Variants in RAB30 observed in about 807,000 individuals in gnomAD.
RAB30 encodes ras-related protein Rab-30.
RAB30 carries 9 observed loss-of-function variants against 25.1 expected under a neutral mutation model. That is an observed-to-expected ratio of 0.36 (90% CI 0.22 to 0.63). The LOEUF (loss-of-function observed/expected upper bound fraction) is 0.63. Among genes scored for constraint, RAB30 ranks in the 20% least tolerant of loss-of-function variants. The pLI is 0.69. For missense variants in RAB30, 140 were observed against 243.5 expected (o/e 0.58, Z 2.83); for synonymous variants, 77 against 86.4 (o/e 0.89, Z 0.60).
chr11:83,067,853 C>T (rs1274069951), intron 1 of RAB30, among the ~76,000 whole-genome samples: 3 of 151,986 alleles, frequency 2.0e-5, no homozygotes, highest in South Asian at 4.2e-4. Flanking sequence ...TTGCCAGGTG[C>T]GGTGGCTCAC....
intron 1 of RAB30, among the ~76,000 whole-genome samples, chr11:83,018,271 G>A (rs867909015): frequency 2.1e-4 from 31 of 145,528 alleles, no homozygotes; most frequent in Non-Finnish European, 3.1e-4. Context: ...TGCACTCTAG[G>A]CTGGCTGCAG....
chr11:83,001,493 A>C (rs1857085360), intron 1 of RAB30, among the ~76,000 whole-genome samples: 1 of 152,156 alleles, frequency 6.6e-6, no homozygotes, highest in South Asian at 2.1e-4. Context: ...CATGTTTTTT[A>C]AATGGACCTC....
At chr11:83,018,897 C>T (rs543975633) in intron 1 of RAB30, among the ~76,000 whole-genome samples, 6 of 152,292 alleles carry the variant, frequency 3.9e-5, no homozygotes, top group Admixed American at 2.6e-4. Context: ...TTCTACATGT[C>T]GCTGGCCAAT....
In RAB30 at chr11:83,062,323, T is replaced by C. The variant is rs1858602902; in HGVS notation, c.-9+9368A>G. ...TAAGACAGCATCCACAATACAACTT[T>C]GTAGAGCATCTTTTATTGAAGACTC... On this transcript the variant is annotated intron_variant, in intron 1 of 4. Coordinates refer to ENST00000527633, the MANE Select transcript of RAB30 (RefSeq NM_001286060.2). Among the ~76,000 whole-genome samples, 5 of 152,350 alleles carry C rather than the reference T, an allele frequency of 3.3e-5. No homozygotes were observed. The South Asian group carries it at 1.0e-3, about 32-fold the overall frequency.
In RAB30 at chr11:82,982,077, G is replaced by A. The variant is rs772993590; in HGVS notation, c.*88C>T. On this transcript the variant is annotated 3_prime_UTR_variant, in exon 5 of 5. Coordinates refer to ENST00000527633, the MANE Select transcript of RAB30 (RefSeq NM_001286060.2). ...CACAGGAGTCAGAAGGTCAGAGAGC[G>A]GGAGCCACAGTCATCGCCAGATCTC... is the stretch of plus-strand genomic sequence containing the variant. The A allele has an allele frequency of 6.4e-5, 99 of 1,554,410 alleles. No homozygotes were observed. Among genetic ancestry groups the A allele is most frequent in the Non-Finnish European group, 8.0e-5 (91 of 1,140,612 alleles).
intron 3 of RAB30, among the ~76,000 whole-genome samples, chr11:82,989,903 G>C (rs1054533734): frequency 2.0e-5 from 3 of 152,238 alleles, no homozygotes; most frequent in Admixed American, 1.3e-4. Flanking sequence ...AAGGTACTGT[G>C]CTAGGCACAT....
chr11:82,994,201 C>G, intron 2 of RAB30, 79 bp from the exon 3 acceptor site: 1 of 1,232,974 alleles, frequency 8.1e-7, no homozygotes, highest in East Asian at 2.3e-5. Context: ...CCCAGCAACA[C>G]CCATCACCGG....
intron 4 of RAB30, among the ~76,000 whole-genome samples, chr11:82,983,494 G>A (rs1035109625): frequency 1.1e-4 from 16 of 152,158 alleles, no homozygotes; most frequent in Middle Eastern, 3.4e-3. Flanking sequence ...GCAGTGGCGC[G>A]ATCCTGACTT....
intron 1 of RAB30, among the ~76,000 whole-genome samples, chr11:83,069,054 T>A (rs1231913000): frequency 1.3e-5 from 2 of 152,232 alleles, no homozygotes; most frequent in South Asian, 4.1e-4. Context: ...GGCCAGATTA[T>A]AGAGGGCTAT....
At chr11:83,044,504 C>T (rs1223927037) in intron 1 of RAB30, among the ~76,000 whole-genome samples, 1 of 152,052 alleles carries the variant, frequency 6.6e-6, no homozygotes, top group East Asian at 1.9e-4. Context: ...AAACAGTAAT[C>T]CAGGTAGGAA....
intron 1 of RAB30, among the ~76,000 whole-genome samples, chr11:83,029,313 C>G (rs1214732611): frequency 6.6e-6 from 1 of 151,972 alleles, no homozygotes; most frequent in Non-Finnish European, 1.5e-5. Flanking sequence ...CACCCATTAC[C>G]AAAGTTCAAC....
intron 3 of RAB30, among the ~76,000 whole-genome samples, chr11:82,993,005 G>C (rs560185462): frequency 2.6e-5 from 4 of 152,348 alleles, no homozygotes; most frequent in South Asian, 2.1e-4. Flanking sequence ...CACTGTACCA[G>C]GCCTTGGCTA....
chr11:83,028,725 A>C lies in RAB30; in HGVS notation c.-8-31401T>G, dbSNP rs1277549340. ...CCAATAAAGCACGAGAATAGAAGAA[A>C]GATACTTTAAAGTATACAAGACCCA... On this transcript the variant is annotated intron_variant, in intron 1 of 4. Transcript: ENST00000527633. Among the ~76,000 whole-genome samples, 7 of 152,360 alleles carry C rather than the reference A, an allele frequency of 4.6e-5. No homozygotes were observed. In the East Asian group the frequency reaches 1.3e-3, roughly 29 times the overall value.
At chr11:83,017,833 T>C (rs991994784) in intron 1 of RAB30, among the ~76,000 whole-genome samples, 2 of 152,242 alleles carry the variant, frequency 1.3e-5, no homozygotes, top group East Asian at 1.9e-4. Context: ...TGTGCTGCTA[T>C]AAACATGTGT....
intron 2 of RAB30, among the ~76,000 whole-genome samples, chr11:82,996,265 G>A (rs1285406891): frequency 6.6e-6 from 1 of 152,148 alleles, no homozygotes; most frequent in East Asian, 1.9e-4. Flanking sequence ...AGCTGGAAGG[G>A]GCCTTGGAGC....
intron 1 of RAB30, among the ~76,000 whole-genome samples, chr11:83,042,915 G>A (rs974129601): frequency 3.9e-5 from 6 of 152,174 alleles, no homozygotes; most frequent in African/African-American, 1.4e-4. Context: ...TACATTTAAT[G>A]TGTAATCTTG....
rs1856518317 is a variant in RAB30 at position 82,974,962 on chromosome 11, T to G, written c.*7203A>C. On this transcript the variant is annotated 3_prime_UTR_variant, in exon 5 of 5. Coordinates refer to ENST00000527633, the MANE Select transcript of RAB30 (RefSeq NM_001286060.2). ...TGTTTTTTCTTTTTTTTTTTTTTTTTGCTGAAAACAGAAATTTTGCTCACG... is the reference window on the plus strand; with the variant it reads ...TGTTTTTTCTTTTTTTTTTTTTTTTGGCTGAAAACAGAAATTTTGCTCACG... 1.3e-5 allele frequency: 2 copies of G among 149,802 alleles called. No individual in the cohort carries two copies. The highest frequency in any genetic ancestry group is 4.2e-4 in the South Asian group (2 of 4,798). 9.3% of individuals were successfully genotyped at this position (149,802 alleles called of 1,614,324 possible). A position where few individuals can be genotyped will look rare whatever the true frequency, so the allele number is the denominator to read the frequency against.
At chr11:83,010,527 C>A (rs1332929782) in intron 1 of RAB30, among the ~76,000 whole-genome samples, 1 of 151,982 alleles carries the variant, frequency 6.6e-6, no homozygotes, top group Admixed American at 6.6e-5. Context: ...TTATGAATAG[C>A]TTATTTCCTT....
At chr11:82,983,394 T>C (rs1856677595) in intron 4 of RAB30, among the ~76,000 whole-genome samples, 1 of 152,188 alleles carries the variant, frequency 6.6e-6, no homozygotes, top group African/African-American at 2.4e-5. Context: ...CAAATGAACA[T>C]GTTCATCATG....
Sources: allele counts gnomAD v4.1 joint callset (sites outside exome capture counted in the v4.1 genomes callset), GRCh38; gene constraint gnomAD v4.1.1; transcripts MANE v1.5; gene names NCBI Gene and HGNC (gene_info 2026-07-23, HGNC 2026-07-21).